LOC128125814: variants seen among roughly 807,000 people sequenced by gnomAD.
chr12:57,519,017 C>T, the LOC128125814 span: 1 of 514,472 alleles, frequency 1.9e-6, no homozygotes, highest in South Asian at 1.4e-5. Context: ...AATCTAAACA[C>T]TTCTAATTCC....
At chr12:57,520,167 G>A in the LOC128125814 span, among the ~76,000 whole-genome samples, 1 of 152,234 alleles carries the variant, frequency 6.6e-6, no homozygotes, top group Non-Finnish European at 1.5e-5. Flanking sequence ...AATTTCCCAA[G>A]GGCAACCGAG....
chr12:57,519,034 T>G, the LOC128125814 span: 1 of 520,070 alleles, frequency 1.9e-6, no homozygotes, highest in Non-Finnish European at 3.9e-6. Context: ...TTCCATTGTT[T>G]CCAATCTAGA....
chr12:57,518,572 C>T, the LOC128125814 span, among the ~76,000 whole-genome samples: 1 of 152,230 alleles, frequency 6.6e-6, no homozygotes, highest in Admixed American at 6.5e-5. Context: ...TCTCAGATGA[C>T]AACTCTAGTT....
the LOC128125814 span, among the ~76,000 whole-genome samples, chr12:57,520,026 G>A: frequency 7.2e-5 from 11 of 152,254 alleles, no homozygotes; most frequent in Admixed American, 4.6e-4. Context: ...GAGAAGGCCC[G>A]CTGGTGGCGA....
At chr12:57,519,095 G>T in the LOC128125814 span, 1 of 531,248 alleles carries the variant, frequency 1.9e-6, no homozygotes, top group Non-Finnish European at 3.8e-6. Flanking sequence ...GACTGCAGAA[G>T]GTCTTCCCAT....
chr12:57,517,760 G>A, the LOC128125814 span: 1 of 438,166 alleles, frequency 2.3e-6, no homozygotes, highest in Non-Finnish European at 4.0e-6. Context: ...AACACTGTGG[G>A]CAACAAAGAG....
chr12:57,518,684 G>A, the LOC128125814 span, among the ~76,000 whole-genome samples: 3 of 152,010 alleles, frequency 2.0e-5, no homozygotes, highest in Non-Finnish European at 4.4e-5. Flanking sequence ...TTTCTGAGAC[G>A]GGTCTCACTC....
the LOC128125814 span, among the ~76,000 whole-genome samples, chr12:57,517,955 T>C: frequency 0.017 from 2,538 of 152,016 alleles, 82 homozygotes; most frequent in African/African-American, 0.057. Flanking sequence ...GCCTCCCGAG[T>C]AGCTGGGACT....
the LOC128125814 span, chr12:57,519,247 A>C: frequency 1.9e-6 from 1 of 530,920 alleles, no homozygotes; most frequent in South Asian, 1.4e-5. Context: ...TTTTGAGTGG[A>C]GGAATTACCT....
At chr12:57,518,694 CT>C in the LOC128125814 span, among the ~76,000 whole-genome samples, 1 of 152,160 alleles carries the variant, frequency 6.6e-6, no homozygotes, top group Admixed American at 6.5e-5. Context: ...GGGTCTCACT[CT>C]TTTTGCCCAG....
the LOC128125814 span, chr12:57,520,273 A>T: frequency 2.5e-6 from 1 of 396,172 alleles, no homozygotes; most frequent in Non-Finnish European, 4.4e-6. Flanking sequence ...GTTTGTAAGC[A>T]CCACCCCAGA....
the LOC128125814 span, among the ~76,000 whole-genome samples, chr12:57,518,316 A>G: frequency 6.6e-6 from 1 of 152,218 alleles, no homozygotes; most frequent in Non-Finnish European, 1.5e-5. Flanking sequence ...AATCCAAAGC[A>G]GGCCTCAAAT....
chr12:57,519,890 C>A, the LOC128125814 span, among the ~76,000 whole-genome samples: 1 of 152,240 alleles, frequency 6.6e-6, no homozygotes, highest in Non-Finnish European at 1.5e-5. Context: ...ATCGGCACCC[C>A]TCCCAAAGGC....
chr12:57,518,009 CAG>C, the LOC128125814 span, among the ~76,000 whole-genome samples: 1 of 151,948 alleles, frequency 6.6e-6, no homozygotes, highest in Non-Finnish European at 1.5e-5. Context: ...GTGTTTTTAG[CAG>C]AGATAGGGTT....
the LOC128125814 span, chr12:57,519,185 G>A: frequency 5.6e-6 from 3 of 533,206 alleles, no homozygotes; most frequent in Non-Finnish European, 1.2e-5. Context: ...TCATTCCTCT[G>A]CTCAAACCCT....
At chr12:57,520,006 G>C in the LOC128125814 span, among the ~76,000 whole-genome samples, 1 of 152,240 alleles carries the variant, frequency 6.6e-6, no homozygotes, top group African/African-American at 2.4e-5. Flanking sequence ...AGAATTGGGG[G>C]TGGGGTAGGG....
At chr12:57,518,495 A>G in the LOC128125814 span, among the ~76,000 whole-genome samples, 3 of 152,326 alleles carry the variant, frequency 2.0e-5, no homozygotes, top group African/African-American at 7.2e-5. Context: ...TTCAATGTCT[A>G]ATAGGCACCT....
At chr12:57,519,861 A>G in the LOC128125814 span, among the ~76,000 whole-genome samples, 1 of 152,152 alleles carries the variant, frequency 6.6e-6, no homozygotes, top group East Asian at 1.9e-4. Context: ...GCAAAAGGAA[A>G]ACACACCACT....
chr12:57,519,145 C>CAGCA, the LOC128125814 span: 1 of 533,380 alleles, frequency 1.9e-6, no homozygotes, highest in Non-Finnish European at 3.8e-6. Flanking sequence ...ATTCACCATA[C>CAGCA]AGCAGCCTGA....
Sources: gnomAD v4.1 joint callset for allele counts (sites outside exome capture counted in the v4.1 genomes callset) on GRCh38, gnomAD v4.1.1 for gene constraint, MANE v1.5 for transcripts.